The following VPS13A variants were observed in gnomAD, a reference collection of about 807,000 sequenced individuals.
VPS13A encodes the protein intermembrane lipid transfer protein VPS13A.
VPS13A carries 264 observed loss-of-function variants against 390.9 expected under a neutral mutation model. The ratio of observed to expected loss-of-function variants is 0.68; its 90% CI spans 0.61 to 0.75. The LOEUF is 0.75. VPS13A is among the 30% of genes least tolerant of loss of function. The pLI is 0.00. For missense variants in VPS13A, 3,409 were observed against 3,733.9 expected, an observed-to-expected ratio of 0.91 and a Z score of 2.27; for synonymous variants, 1,231 against 1,227.1, an observed-to-expected ratio of 1.00 and a Z score of -0.07.
intron 68 of VPS13A, among the ~76,000 whole-genome samples, chr9:77,387,409 G>A (rs1355093351): frequency 6.6e-6 from 1 of 152,158 alleles, no homozygotes; most frequent in African/African-American, 2.4e-5. Flanking sequence ...CTTCATTTAT[G>A]TTCCAGATTT....
In VPS13A at chr9:77,351,702, C is replaced by T. The variant is rs1276503229; in HGVS notation, c.7419+256C>T. On this transcript the variant is annotated intron_variant, in intron 53 of 71. Coordinates refer to ENST00000360280, the MANE Select transcript of VPS13A (RefSeq NM_033305.3). ...TGGCCAATATGGTGAAACTCCGTCTCTACTAAAAATACAAAAATTAGCCTC... is the reference window on the plus strand; with the variant it reads ...TGGCCAATATGGTGAAACTCCGTCTTTACTAAAAATACAAAAATTAGCCTC... Among the ~76,000 whole-genome samples, 3 of 152,268 alleles carry T rather than the reference C, an allele frequency of 2.0e-5. No individual in the cohort carries two copies. The East Asian group carries it at 5.8e-4, about 29-fold the overall frequency.
At chr9:77,407,196 G>C (rs972120699) in intron 70 of VPS13A, among the ~76,000 whole-genome samples, 2 of 152,140 alleles carry the variant, frequency 1.3e-5, no homozygotes, top group Admixed American at 1.3e-4. Flanking sequence ...GATAACAACT[G>C]TGTAAGAAAT....
At chr9:77,227,900 CTTGTT>C (rs1404662071) in intron 16 of VPS13A, among the ~76,000 whole-genome samples, 2 of 150,954 alleles carry the variant, frequency 1.3e-5, no homozygotes, top group Non-Finnish European at 3.0e-5. Flanking sequence ...ATGTTACTGA[CTTGTT>C]CTGTGATCTT....
chr9:77,333,318 A>G (rs2131485191), intron 46 of VPS13A, among the ~76,000 whole-genome samples: 1 of 152,294 alleles, frequency 6.6e-6, no homozygotes, highest in South Asian at 2.1e-4. Flanking sequence ...ATCCATCTTA[A>G]TGAGAATTAG....
intron 31 of VPS13A, among the ~76,000 whole-genome samples, chr9:77,292,005 G>A (rs1348849236): frequency 6.6e-6 from 1 of 151,990 alleles, no homozygotes; most frequent in Non-Finnish European, 1.5e-5. Flanking sequence ...CTAGGATACT[G>A]TATCTTCACC....
At chr9:77,306,870 G>T (rs1828780644) in intron 34 of VPS13A, among the ~76,000 whole-genome samples, 2 of 151,654 alleles carry the variant, frequency 1.3e-5, no homozygotes, top group South Asian at 4.2e-4. Flanking sequence ...GTTGATTTGG[G>T]ACTAAATTTG....
chr9:77,276,031 T>C lies in VPS13A; in HGVS notation c.2668-34T>C, dbSNP rs199777809. On this transcript the variant is annotated intron_variant, in intron 25 of 71. Coordinates refer to ENST00000360280, the MANE Select transcript of VPS13A (RefSeq NM_033305.3). ...TGCACATAAACATGTTTTTGTTTTA[T>C]GTAGTGGTAATTTCTTTTTTCTTTC... 8.7e-6 allele frequency: 14 copies of C among 1,605,232 alleles called. No individual in the cohort carries two copies. In the East Asian group the frequency reaches 2.9e-4, roughly 33 times the overall value.
rs1396999750 is a variant in VPS13A at position 77,295,779 on chromosome 9, A to T, written c.3745A>T (p.Ser1249Cys). 1 of 1,614,026 alleles carries T rather than the reference A, an allele frequency of 6.2e-7. No homozygotes were observed. The highest frequency in any genetic ancestry group is 8.5e-7 in the Non-Finnish European group (1 of 1,179,960). ...MTNTFHMITE[S>C]QSSPPPVIDL... ...AAATACCTTTCATATGATAACAGAGAGCCAGAGCTCTCCCCCACCTGTTAT... is the reference window on the plus strand; with the variant it reads ...AAATACCTTTCATATGATAACAGAGTGCCAGAGCTCTCCCCCACCTGTTAT... Residue 1249 changes from serine (S) to cysteine (C), a missense_variant, in exon 33 of 72, where the codon AGC becomes TGC. Physicochemically the swap from Ser to Cys is moderately radical, Grantham distance 112. Coordinates refer to ENST00000360280, the MANE Select transcript of VPS13A (RefSeq NM_033305.3).
At position 77,293,316 on chromosome 9, in the gene VPS13A, G is replaced by A. The variant is rs200055978; in HGVS notation, c.3340-25G>A. On this transcript the variant is annotated intron_variant, in intron 31 of 71. Transcript: ENST00000360280. Reference sequence around the variant, plus strand: ...ATACATCATTTCAAAAATGGATTGTGATAATTAAATTTTCTCTTATTAAGG... The same window carrying A: ...ATACATCATTTCAAAAATGGATTGTAATAATTAAATTTTCTCTTATTAAGG... 13 of 1,578,832 alleles carry A rather than the reference G, an allele frequency of 8.2e-6. No homozygotes were observed. The East Asian group carries it at 2.5e-4, about 30-fold the overall frequency.
chr9:77,364,845 C>T (rs2131576502), intron 59 of VPS13A, among the ~76,000 whole-genome samples: 1 of 152,208 alleles, frequency 6.6e-6, no homozygotes, highest in Admixed American at 6.5e-5. Context: ...AAGAGCTTCC[C>T]ACTGTCATTT....
At chr9:77,210,552 C>G (rs1426354525) in intron 6 of VPS13A, 64 bp from the exon 7 acceptor site, 1 of 1,530,904 alleles carries the variant, frequency 6.5e-7, no homozygotes, top group Non-Finnish European at 9.0e-7. Context: ...ACAGTTTTTT[C>G]TATAAAGTGG....
chr9:77,370,041 C>T (rs977126328), intron 63 of VPS13A, among the ~76,000 whole-genome samples: 4 of 152,180 alleles, frequency 2.6e-5, no homozygotes, highest in Admixed American at 6.5e-5. Context: ...GTACTCCTTT[C>T]TAAGGGTCAG....
In VPS13A at chr9:77,366,889, A is replaced by C. The variant is rs753886202; in HGVS notation, c.8471+17A>C. The C allele has an allele frequency of 2.5e-6, 4 of 1,609,576 alleles. No homozygotes were observed. Among genetic ancestry groups the C allele is most frequent in the Middle Eastern group, 1.7e-4 (1 of 6,048 alleles). On this transcript the variant is annotated intron_variant, in intron 61 of 71. Transcript: ENST00000360280. Reference sequence around the variant, plus strand: ...AGTTTTTAAGTATGTTTAGTATTCAAATCTGTAAATTGATGGAAATATTTC... The same window carrying C: ...AGTTTTTAAGTATGTTTAGTATTCACATCTGTAAATTGATGGAAATATTTC...
Position 77,345,161 on chromosome 9 carries a change from C to G in VPS13A, c.7289+19C>G, listed in dbSNP as rs749689446. ...ATCAAAGGTAAGATTATCACAAATA[C>G]AGTAACTCTTGATGGTGTAAGTCTA... On this transcript the variant is annotated intron_variant, in intron 52 of 71. Transcript: ENST00000360280. 1 of 1,611,308 alleles carries G rather than the reference C, an allele frequency of 6.2e-7. No individual in the cohort carries two copies. The highest frequency in any genetic ancestry group is 8.5e-7 in the Non-Finnish European group (1 of 1,178,766).
At chr9:77,177,967 G>A in intron 1 of VPS13A, 163 bp downstream of exon 1, 1 of 621,206 alleles carries the variant, frequency 1.6e-6, no homozygotes, top group Non-Finnish European at 2.8e-6. Flanking sequence ...CCGGGCGGCA[G>A]TTCCCTGGCC....
chr9:77,398,780 G>A (rs555851708), intron 68 of VPS13A, among the ~76,000 whole-genome samples: 19 of 152,086 alleles, frequency 1.2e-4, no homozygotes, highest in Non-Finnish European at 2.1e-4. Context: ...TATCTTTGAC[G>A]CTTTGACGTT....
chr9:77,329,638 T>A (rs976248378), intron 45 of VPS13A, among the ~76,000 whole-genome samples: 3 of 152,198 alleles, frequency 2.0e-5, no homozygotes, highest in Non-Finnish European at 4.4e-5. Flanking sequence ...TACCAAAATA[T>A]GACAGTGAGG....
intron 68 of VPS13A, among the ~76,000 whole-genome samples, chr9:77,388,342 A>C (rs982311538): frequency 6.6e-6 from 1 of 152,180 alleles, no homozygotes; most frequent in Non-Finnish European, 1.5e-5. Flanking sequence ...AAAGTAAAAC[A>C]AATAATTTCA....
chr9:77,387,150 CAG>C (rs1407965962), intron 68 of VPS13A, among the ~76,000 whole-genome samples: 1 of 148,976 alleles, frequency 6.7e-6, no homozygotes, highest in Non-Finnish European at 1.5e-5. Context: ...AAAAAAAAGA[CAG>C]AATTGCTCTT....
Sources: allele counts gnomAD v4.1 joint callset (sites outside exome capture counted in the v4.1 genomes callset), GRCh38; gene constraint gnomAD v4.1.1; transcripts MANE v1.5; gene names NCBI Gene and HGNC (gene_info 2026-07-23, HGNC 2026-07-21).